MOK: variants seen among roughly 807,000 people sequenced by gnomAD.
MOK encodes the protein MAPK/MAK/MRK overlapping kinase.
In MOK, 59 loss-of-function variants were observed where a neutral mutation model predicts 54.2. The observed-to-expected ratio is 1.09, with a 90% CI of 0.88 to 1.35. The LOEUF is 1.35. Ranked by LOEUF, MOK falls within the 40% of genes most tolerant of loss-of-function variation. The pLI is 0.00. For synonymous variants in MOK, 210 were observed against 202.7 expected, an observed-to-expected ratio of 1.04 and a Z score of -0.31; for missense variants, 517 against 526.2, an observed-to-expected ratio of 0.98 and a Z score of 0.17.
the MOK span, among the ~76,000 whole-genome samples, chr14:102,218,497 C>G: frequency 6.6e-6 from 1 of 152,258 alleles, no homozygotes; most frequent in African/African-American, 2.4e-5. Flanking sequence ...CGAGCAGCAC[C>G]TGCAGGGGCA....
At chr14:102,244,720 G>A (rs966468122) in intron 7 of MOK, among the ~76,000 whole-genome samples, 7 of 152,154 alleles carry the variant, frequency 4.6e-5, no homozygotes, top group Admixed American at 6.5e-5. Context: ...AAAGGCCACC[G>A]TGGTCATTTC....
chr14:102,254,744 C>G (rs1004898136), intron 4 of MOK, among the ~76,000 whole-genome samples: 2 of 152,202 alleles, frequency 1.3e-5, no homozygotes, highest in Non-Finnish European at 2.9e-5. Flanking sequence ...GGTGCAGCTA[C>G]TAGTCTTGGG....
chr14:102,259,343 C>T (rs974979554), intron 4 of MOK, among the ~76,000 whole-genome samples: 2 of 152,108 alleles, frequency 1.3e-5, no homozygotes, highest in Admixed American at 1.3e-4. Flanking sequence ...TCAGTTTTCA[C>T]TAAAGAAGCA....
chr14:102,285,273 G>C (rs1239360275), intron 1 of MOK, among the ~76,000 whole-genome samples: 1 of 152,072 alleles, frequency 6.6e-6, no homozygotes, highest in Non-Finnish European at 1.5e-5. Flanking sequence ...AGCAGATGGG[G>C]TCTTGCTATG....
At chr14:102,225,582 C>A, downstream of MOK, 1 of 152,820 alleles carries the variant, frequency 6.5e-6, no homozygotes. Context: ...GTCTGTCACC[C>A]TTCGCTGGTT....
intron 2 of MOK, among the ~76,000 whole-genome samples, chr14:102,267,426 C>T (rs1015386891): frequency 2.0e-5 from 3 of 152,196 alleles, no homozygotes; most frequent in Middle Eastern, 3.4e-3. Flanking sequence ...ATCAGCCGGG[C>T]GCAGTGGCAC....
intron 2 of MOK, among the ~76,000 whole-genome samples, chr14:102,266,713 G>A (rs2067943499): frequency 6.6e-6 from 1 of 152,060 alleles, no homozygotes; most frequent in Non-Finnish European, 1.5e-5. Context: ...CTCCCAAGTA[G>A]GTGGGATTAT....
chr14:102,283,821 C>G (rs1313645486), intron 1 of MOK, among the ~76,000 whole-genome samples: 2 of 152,138 alleles, frequency 1.3e-5, no homozygotes, highest in Non-Finnish European at 1.5e-5. Flanking sequence ...AACCACCTTA[C>G]CTGGATCCTG....
In MOK at chr14:102,256,292, C is replaced by T. The variant is rs61992535; in HGVS notation, c.284-4297G>A. Among the ~76,000 whole-genome samples the T allele has an allele frequency of 3.0e-3, 463 of 151,810 alleles. 1 individual carries two copies. The highest frequency in any genetic ancestry group is 5.0e-3 in the Non-Finnish European group (337 of 67,952). On this transcript the variant is annotated intron_variant, in intron 4 of 11. Coordinates refer to ENST00000361847, the MANE Select transcript of MOK (RefSeq NM_014226.3). ...TTTTTTTAATTTTTTGGGCTGGGCA[C>T]GGTGGCTTACACCTGTAATCCCAGC...
rs924708156 is a variant in MOK at position 102,249,864 on chromosome 14, G to A, written c.590+948C>T. 3.9e-5 allele frequency among the ~76,000 whole-genome samples: 6 copies of A among 152,184 alleles called. No individual in the cohort carries two copies. The highest frequency in any genetic ancestry group is 1.3e-4 in the Admixed American group (2 of 15,274). Reference sequence around the variant, plus strand: ...GACTAAAGGAGAGAGGAGGAAATGCGGGTGAGCAGGAAACAGCTCCAAGTG... The same window carrying A: ...GACTAAAGGAGAGAGGAGGAAATGCAGGTGAGCAGGAAACAGCTCCAAGTG... On this transcript the variant is annotated intron_variant, in intron 7 of 11. Transcript: ENST00000361847. This position sits in a 1 kb window ranked among gnomAD's most constrained non-coding sequence, Gnocchi z 5.3.
chr14:102,260,063 C>T (rs1201018728), intron 4 of MOK, among the ~76,000 whole-genome samples: 1 of 151,786 alleles, frequency 6.6e-6, no homozygotes, highest in Non-Finnish European at 1.5e-5. Flanking sequence ...GTAATCCCAG[C>T]TACTTGGGAG....
rs1335897992 is a variant in MOK, at chr14:102,230,463, GC to G, written c.982-807del. ...GCAGCCCCTATGTGGTTCATGTGTT[GC>G]CTCCAGCTCCTTTCACACTGCAGCA... On this transcript the variant is annotated intron_variant, in intron 10 of 11. Transcript: ENST00000361847. This position sits in a 1 kb window ranked among gnomAD's most constrained non-coding sequence, Gnocchi z 4.1. 2.6e-5 allele frequency: 4 copies of G among 152,220 alleles called. No homozygotes were observed. In the East Asian group the frequency reaches 7.7e-4, roughly 29 times the overall value. 9.4% of individuals were successfully genotyped at this position (152,220 alleles called of 1,614,324 possible).
downstream of MOK, chr14:102,224,652 C>T (rs1296247733): frequency 1.8e-5 from 8 of 455,850 alleles, no homozygotes; most frequent in Admixed American, 7.1e-5. Flanking sequence ...AATGCAGCCA[C>T]GGAAAACTTC....
At chr14:102,237,650 T>C (rs2065343316) in intron 7 of MOK, among the ~76,000 whole-genome samples, 1 of 152,200 alleles carries the variant, frequency 6.6e-6, no homozygotes, top group Admixed American at 6.5e-5. Flanking sequence ...GCTCTGTCCT[T>C]ACCTGGTATC....
chr14:102,263,507 A>C, intron 4 of MOK, 39 bp downstream of exon 4: 1 of 1,428,834 alleles, frequency 7.0e-7, no homozygotes, highest in Non-Finnish European at 9.7e-7. Context: ...CAAGCCTTAA[A>C]AGAGGATCTT....
chr14:102,265,883 ATCTC>A lies in MOK; in HGVS notation c.148_151del (p.Glu50SerfsTer4), dbSNP rs781216894. The A allele has an allele frequency of 6.2e-7, 1 of 1,614,006 alleles. No homozygotes were observed. The highest frequency in any genetic ancestry group is 8.5e-7 in the Non-Finnish European group (1 of 1,179,904). On this transcript the variant is annotated frameshift_variant, in exon 3 of 12. Coordinates refer to ENST00000361847, the MANE Select transcript of MOK (RefSeq NM_014226.3). LOFTEE classifies it high-confidence loss of function. ...CGGATTCAGGCGCCTCAGTGCTTGG[ATCTC>A]TCGTAGGTTGTTGACTTGCTCAATA...
chr14:102,226,067 C>T, downstream of MOK: 1 of 526,404 alleles, frequency 1.9e-6, no homozygotes. This position sits in a 1 kb window ranked among gnomAD's most constrained non-coding sequence, Gnocchi z 4.8. Flanking sequence ...GTGGGGACAG[C>T]AGAGCAGATG....
At position 102,240,998 on chromosome 14, in the gene MOK, G is replaced by A. The variant is rs752336773; in HGVS notation, c.591-7209C>T. On this transcript the variant is annotated intron_variant, in intron 7 of 11. Coordinates refer to ENST00000361847, the MANE Select transcript of MOK (RefSeq NM_014226.3). The surrounding 1 kb of genome is among the most constrained non-coding windows in gnomAD (Gnocchi z 5.4). ...CACCACTTGGCCCCAATACAAACTC[G>A]ATAATGGTTCTAAACAGCCAGAAAA... Among the ~76,000 whole-genome samples the A allele has an allele frequency of 1.5e-4, 23 of 152,122 alleles. No individual in the cohort carries two copies. Among genetic ancestry groups the A allele is most frequent in the Non-Finnish European group, 3.1e-4 (21 of 68,022 alleles).
intron 1 of MOK, among the ~76,000 whole-genome samples, chr14:102,285,062 TAC>T (rs1281806432): frequency 7.8e-6 from 1 of 128,196 alleles, no homozygotes. Context: ...CAGCCTGGGC[TAC>T]AGAGTGAGAT....
Sources: allele counts gnomAD v4.1 joint callset (sites outside exome capture counted in the v4.1 genomes callset), GRCh38; gene constraint gnomAD v4.1.1; non-coding constraint Gnocchi (gnomAD v3.1); transcripts MANE v1.5; gene names NCBI Gene and HGNC (gene_info 2026-07-23, HGNC 2026-07-21).